Variants in CUX1 observed in about 807,000 individuals in gnomAD.
The protein encoded by CUX1 is protein CASP.
In CUX1, 31 loss-of-function variants were observed where a neutral mutation model predicts 158.8. That is an observed-to-expected ratio of 0.20 (90% CI 0.15 to 0.26). The LOEUF (loss-of-function observed/expected upper bound fraction) is 0.26, where lower values mean the gene tolerates loss of function less well. Among genes scored for constraint, CUX1 ranks in the 10% least tolerant of loss-of-function variants. The probability of loss-of-function intolerance (pLI) is 1.00; values close to 1 mark genes in which losing one functional copy is unlikely to be tolerated. For missense variants in CUX1, 1,589 were observed against 2,014.6 expected (o/e 0.79, Z 4.04); for synonymous variants, 879 against 862.1 (o/e 1.02, Z -0.34).
intron 11 of CUX1, among the ~76,000 whole-genome samples, chr7:102,185,394 G>A (rs1225311337): frequency 6.6e-6 from 1 of 152,052 alleles, no homozygotes; most frequent in Non-Finnish European, 1.5e-5. Flanking sequence ...TCAAGTCTGG[G>A]TGGGTAGGTT....
In CUX1 at chr7:102,248,627, G is replaced by A. The variant is rs553811765; in HGVS notation, c.4103G>A (p.Arg1368Gln). The change falls in exon 24 of 24, where the codon CGG (arginine) becomes CAG (glutamine). Residue 1368 changes from arginine (R) to glutamine (Q), a missense_variant. This residue lies in a region of CUX1 where 344 missense variants were observed against 323.7 expected (regional missense o/e 1.06). Coordinates refer to ENST00000292535, the MANE Select transcript of CUX1 (RefSeq NM_181552.4). This position sits in a 1 kb window ranked among gnomAD's most constrained non-coding sequence, Gnocchi z 5.8. ...QGEAEREEVP[R>Q]PAEQTEPPPS... ...GAGGCCGAGCGGGAGGAGGTGCCGC[G>A]GCCGGCGGAGCAGACGGAGCCGCCG... The A allele has an allele frequency of 1.3e-3, 1,783 of 1,423,494 alleles. 16 individuals are homozygous for A. The highest frequency in any genetic ancestry group is 8.7e-3 in the South Asian group (641 of 73,708). 88.2% of individuals were successfully genotyped at this position (1,423,494 alleles called of 1,614,324 possible).
At chr7:101,876,945 C>G (rs1041822222) in intron 1 of CUX1, among the ~76,000 whole-genome samples, 1 of 152,060 alleles carries the variant, frequency 6.6e-6, no homozygotes, top group Admixed American at 6.6e-5. Flanking sequence ...TTCCTAGTTT[C>G]TGACCTCACT....
In CUX1 at chr7:102,254,257, T is replaced by C. The variant is rs544679601; in HGVS notation, c.*5215T>C. 1.6e-5 allele frequency: 16 copies of C among 985,406 alleles called. No individual in the cohort carries two copies. In the African/African-American group the frequency reaches 2.3e-4, roughly 14 times the overall value. The allele number at this position is 985,406 out of a possible 1,614,324, so 61.0% of individuals were successfully genotyped here. ...TTTCTGTCCAGTCCTGCTCAGCTGTTAAGATCCATCATGGCCATTATCCTT... is the reference window on the plus strand; with the variant it reads ...TTTCTGTCCAGTCCTGCTCAGCTGTCAAGATCCATCATGGCCATTATCCTT... On this transcript the variant is annotated 3_prime_UTR_variant, in exon 24 of 24. Coordinates refer to ENST00000292535, the MANE Select transcript of CUX1 (RefSeq NM_181552.4).
intron 4 of CUX1, 125 bp downstream of exon 4, chr7:102,070,542 C>A (rs113107178): frequency 4.5e-5 from 31 of 683,174 alleles, no homozygotes; most frequent in Non-Finnish European, 7.2e-5. Context: ...AACTTCCCCC[C>A]AAGAAACCAG....
intron 4 of CUX1, among the ~76,000 whole-genome samples, chr7:102,090,976 G>A (rs1378045202): frequency 6.6e-6 from 1 of 152,154 alleles, no homozygotes; most frequent in Admixed American, 6.5e-5. Flanking sequence ...AAATGAGAGA[G>A]CTGAGACTTG....
intron 2 of CUX1, among the ~76,000 whole-genome samples, chr7:101,994,696 C>T (rs1453057867): frequency 1.3e-5 from 2 of 152,068 alleles, no homozygotes; most frequent in Non-Finnish European, 2.9e-5. Flanking sequence ...TTGTCACCTT[C>T]GGGAATCTGC....
chr7:101,851,236 A>G (rs1796232578), intron 1 of CUX1, among the ~76,000 whole-genome samples: 2 of 152,188 alleles, frequency 1.3e-5, no homozygotes. Context: ...TTTGTACACT[A>G]CTTAATGTAT....
At chr7:101,962,312 G>A (rs1810605670) in intron 2 of CUX1, among the ~76,000 whole-genome samples, 1 of 152,206 alleles carries the variant, frequency 6.6e-6, no homozygotes, top group Non-Finnish European at 1.5e-5. Flanking sequence ...CACAGAAACG[G>A]TGTGAATGAA....
At chr7:101,817,272 G>C, upstream of CUX1, 2 of 984,940 alleles carry the variant, frequency 2.0e-6, no homozygotes, top group South Asian at 9.4e-5. The surrounding 1 kb of genome is among the most constrained non-coding windows in gnomAD (Gnocchi z 4.1). Flanking sequence ...GCGGCCCCCG[G>C]TGACCTGCGG....
At chr7:102,197,427 G>C (rs1014567768) in intron 15 of CUX1, 122 bp downstream of exon 15, 7 of 1,219,644 alleles carry the variant, frequency 5.7e-6, no homozygotes, top group Non-Finnish European at 6.9e-6. Context: ...ATCAGGTAAA[G>C]TTCTCTTTGC....
intron 2 of CUX1, among the ~76,000 whole-genome samples, chr7:102,014,875 GA>G (rs1213773907): frequency 2.1e-5 from 3 of 140,382 alleles, no homozygotes; most frequent in African/African-American, 5.3e-5. Context: ...AAAAAAAAAA[GA>G]AAAAAAGCAT....
chr7:102,249,296 G>A lies in CUX1; in HGVS notation c.*254G>A. On this transcript the variant is annotated 3_prime_UTR_variant, in exon 24 of 24. Coordinates refer to ENST00000292535, the MANE Select transcript of CUX1 (RefSeq NM_181552.4). Reference sequence around the variant, plus strand: ...CCCTGCGGCCTCCACCAACCCCGCGGCCCAGACCCAGCCCGCGGCCTGGAC... The same window carrying A: ...CCCTGCGGCCTCCACCAACCCCGCGACCCAGACCCAGCCCGCGGCCTGGAC... The A allele has an allele frequency of 1.9e-6, 2 of 1,040,088 alleles. No individual in the cohort carries two copies. The highest frequency in any genetic ancestry group is 2.3e-6 in the Non-Finnish European group (2 of 864,752). 64.4% of individuals were successfully genotyped at this position (1,040,088 alleles called of 1,614,324 possible). A position where few individuals can be genotyped will look rare whatever the true frequency, so the allele number is the denominator to read the frequency against.
intron 1 of CUX1, among the ~76,000 whole-genome samples, chr7:101,877,756 TTGTGTG>T (rs112494807): frequency 0.054 from 8,074 of 148,798 alleles, 267 homozygotes; most frequent in Middle Eastern, 0.079. Flanking sequence ...ATCCCTCCAA[TTGTGTG>T]TGTGTGTGTG....
At chr7:102,120,560 A>C (rs1554493118) in intron 8 of CUX1, among the ~76,000 whole-genome samples, 1 of 152,252 alleles carries the variant, frequency 6.6e-6, no homozygotes, top group Non-Finnish European at 1.5e-5. Flanking sequence ...GTACGGTTAC[A>C]AAAGAGACAT....
At chr7:102,167,049 C>G (rs1791118488) in intron 9 of CUX1, among the ~76,000 whole-genome samples, 1 of 152,026 alleles carries the variant, frequency 6.6e-6, no homozygotes, top group African/African-American at 2.4e-5. Flanking sequence ...AGGTGGATTA[C>G]TTGAGGTCAG....
intron 20 of CUX1, among the ~76,000 whole-genome samples, chr7:102,224,154 A>C (rs1248880329): frequency 6.6e-6 from 1 of 152,206 alleles, no homozygotes; most frequent in African/African-American, 2.4e-5. Context: ...GTTGGCGAGT[A>C]AACTATCTCC....
At chr7:102,281,644 C>A (rs139194584) in intron 20 of CUX1, among the ~76,000 whole-genome samples, 1 of 151,740 alleles carries the variant, frequency 6.6e-6, no homozygotes, top group Non-Finnish European at 1.5e-5. Context: ...GCCTGGGCGA[C>A]AGAGGGAGAC....
At chr7:102,245,924 A>G (rs1318617004) in intron 23 of CUX1, among the ~76,000 whole-genome samples, 1 of 151,766 alleles carries the variant, frequency 6.6e-6, no homozygotes, top group African/African-American at 2.4e-5. Flanking sequence ...GTGAGCTGAG[A>G]TCGCACCACT....
intron 21 of CUX1, among the ~76,000 whole-genome samples, chr7:102,233,718 CGGA>C (rs1554531555): frequency 6.6e-6 from 1 of 152,086 alleles, no homozygotes; most frequent in African/African-American, 2.4e-5. Flanking sequence ...ACCTGGGAGG[CGGA>C]GGTTGCAGTG....
Sources: allele counts gnomAD v4.1 joint callset (sites outside exome capture counted in the v4.1 genomes callset), GRCh38; gene constraint gnomAD v4.1.1; regional missense constraint gnomAD v4.1.1; non-coding constraint Gnocchi (gnomAD v3.1); transcripts MANE v1.5; gene names NCBI Gene and HGNC (gene_info 2026-07-23, HGNC 2026-07-21).